Variants in DCAF6 observed in about 807,000 individuals in gnomAD.
The protein encoded by DCAF6 is DDB1 and CUL4 associated factor 6, also known as DDB1- and CUL4-associated factor 6.
Under a neutral mutation model 125.1 loss-of-function variants are expected in DCAF6, and 54 were observed. The observed-to-expected ratio is 0.43, with a 90% CI of 0.35 to 0.54. The LOEUF (loss-of-function observed/expected upper bound fraction) is 0.54. DCAF6 is among the 20% of genes least tolerant of loss of function. The probability of loss-of-function intolerance (pLI) is 0.01; values close to 1 mark genes in which losing one functional copy is unlikely to be tolerated. For synonymous variants in DCAF6, 371 were observed against 390.4 expected (o/e 0.95, Z 0.58); for missense variants, 934 against 1,161.7 (o/e 0.80, Z 2.85).
chr1:167,866,333 TC>T, the DCAF6 span, among the ~76,000 whole-genome samples: 1 of 152,190 alleles, frequency 6.6e-6, no homozygotes, highest in African/African-American at 2.4e-5. Context: ...GAATACCAGA[TC>T]AATTTAAAGC....
chr1:167,866,458 G>A, the DCAF6 span, among the ~76,000 whole-genome samples: 2 of 146,418 alleles, frequency 1.4e-5, no homozygotes, highest in African/African-American at 2.5e-5. Flanking sequence ...CTTTTCATGA[G>A]TTGAAAGAAA....
At chr1:168,004,408 TA>T (rs1487132999) in intron 9 of DCAF6, 124 bp from the exon 10 acceptor site, 5 of 1,087,074 alleles carry the variant, frequency 4.6e-6, no homozygotes, top group Admixed American at 4.6e-5. Context: ...CACCAGTAGT[TA>T]TTATCACTGA....
chr1:168,004,392 C>A, intron 9 of DCAF6, 141 bp from the exon 10 acceptor site: 1 of 944,698 alleles, frequency 1.1e-6, no homozygotes, highest in Non-Finnish European at 1.6e-6. Flanking sequence ...GTCAAATGGG[C>A]CAAATCACCA....
intron 1 of DCAF6, among the ~76,000 whole-genome samples, chr1:167,949,310 T>G (rs1335963954): frequency 6.6e-6 from 1 of 152,182 alleles, no homozygotes; most frequent in African/African-American, 2.4e-5. Flanking sequence ...GCACTAGTCG[T>G]TTTGTTCTGG....
intron 21 of DCAF6, among the ~76,000 whole-genome samples, chr1:168,073,706 A>G (rs1693422677): frequency 6.6e-6 from 1 of 152,036 alleles, no homozygotes; most frequent in Non-Finnish European, 1.5e-5. Context: ...ATGCTCTAAC[A>G]TGACAGGATA....
At chr1:167,932,767 C>G (rs1187442402), upstream of DCAF6, among the ~76,000 whole-genome samples, 1 of 148,664 alleles carries the variant, frequency 6.7e-6, no homozygotes, top group Non-Finnish European at 1.5e-5. Flanking sequence ...CCAGATCACA[C>G]CACTGCACTC....
the DCAF6 span, chr1:167,883,292 C>A: frequency 1.2e-6 from 1 of 851,768 alleles, no homozygotes; most frequent in Non-Finnish European, 1.9e-6. Context: ...CCCACCTCTG[C>A]CTCCCAAAGA....
chr1:168,044,838 A>G, intron 15 of DCAF6, 62 bp from the exon 16 acceptor site: 3 of 1,548,236 alleles, frequency 1.9e-6, no homozygotes, highest in South Asian at 1.2e-5. Context: ...CTCCTAAGTT[A>G]GGTTAAATAA....
intron 13 of DCAF6, 122 bp downstream of exon 13, chr1:168,038,610 G>C (rs955204320): frequency 4.9e-5 from 31 of 635,978 alleles, no homozygotes; most frequent in Non-Finnish European, 7.8e-5. Context: ...TTTCAAACTT[G>C]AGTGTGCTTC....
At chr1:167,912,388 C>A in the DCAF6 span, among the ~76,000 whole-genome samples, 1 of 152,228 alleles carries the variant, frequency 6.6e-6, no homozygotes, top group Non-Finnish European at 1.5e-5. Flanking sequence ...CCTTGCCCCA[C>A]ATGTTCCTGG....
intron 18 of DCAF6, 155 bp downstream of exon 18, chr1:168,063,914 C>T (rs778113242): frequency 3.7e-5 from 24 of 646,292 alleles, no homozygotes; most frequent in Non-Finnish European, 5.7e-5. Flanking sequence ...TCTTTTAGCC[C>T]TATAATATAT....
intron 5 of DCAF6, among the ~76,000 whole-genome samples, chr1:167,990,914 A>G (rs1358391159): frequency 5.3e-5 from 8 of 152,166 alleles, no homozygotes; most frequent in East Asian, 1.9e-4. Context: ...AAATCAATCA[A>G]TTTTGGAGTT....
At chr1:168,009,436 C>CTCTT (rs1240699124) in intron 10 of DCAF6, among the ~76,000 whole-genome samples, 7 of 117,738 alleles carry the variant, frequency 5.9e-5, no homozygotes, top group East Asian at 4.9e-4. Flanking sequence ...CTGTCTCTCT[C>CTCTT]TCTTTCTTTC....
At position 168,015,927 on chromosome 1, in the gene DCAF6, T is replaced by C. The variant is rs1161703149; in HGVS notation, c.1525T>C (p.Ser509Pro). 1 of 1,523,240 alleles carries C rather than the reference T, an allele frequency of 6.6e-7. No homozygotes were observed. Among genetic ancestry groups the C allele is most frequent in the East Asian group, 2.5e-5 (1 of 39,234 alleles). 94.4% of individuals were successfully genotyped at this position (1,523,240 alleles called of 1,614,324 possible). ...STSDQSSHEG[S>P]SQDPHASDSP... ...TTCTGATCAGTCTTCTCATGAGGGC[T>C]CTTCACAGGACCCTCATGCTTCAGG... The change falls in exon 11 of 22, where the codon TCT (serine) becomes CCT (proline). Residue 509 changes from serine (S) to proline (P), a missense_variant. Coordinates refer to ENST00000367840, the MANE Select transcript of DCAF6 (RefSeq NM_001198956.2).
chr1:168,033,357 G>A (rs1191849495), intron 12 of DCAF6, among the ~76,000 whole-genome samples: 2 of 140,514 alleles, frequency 1.4e-5, no homozygotes, highest in Non-Finnish European at 1.5e-5. Context: ...CGCCCAGGCC[G>A]GACTGCGGAC....
the DCAF6 span, chr1:167,894,011 C>A: frequency 9.7e-7 from 1 of 1,032,728 alleles, no homozygotes; most frequent in Non-Finnish European, 1.5e-6. Flanking sequence ...TGAGAGGAGG[C>A]TCCCAGTCCC....
intron 5 of DCAF6, among the ~76,000 whole-genome samples, chr1:167,988,106 T>C (rs1176169454): frequency 6.6e-6 from 1 of 152,134 alleles, no homozygotes; most frequent in Non-Finnish European, 1.5e-5. Context: ...TAGCCCACTT[T>C]CCTAAAGATA....
At chr1:167,903,066 C>T in the DCAF6 span, among the ~76,000 whole-genome samples, 1 of 151,802 alleles carries the variant, frequency 6.6e-6, no homozygotes, top group Admixed American at 6.6e-5. Flanking sequence ...ACCAGCCTGG[C>T]CAACATGGTA....
intron 12 of DCAF6, among the ~76,000 whole-genome samples, chr1:168,026,282 G>C (rs777451190): frequency 1.2e-4 from 19 of 152,086 alleles, no homozygotes; most frequent in Middle Eastern, 3.2e-3. Flanking sequence ...CATACATCAT[G>C]TGGTAAATAA....
Sources: gnomAD v4.1 joint callset for allele counts (sites outside exome capture counted in the v4.1 genomes callset) on GRCh38, gnomAD v4.1.1 for gene constraint, MANE v1.5 for transcripts, NCBI Gene and HGNC (gene_info 2026-07-23, HGNC 2026-07-21) for gene names.